The following TENM3 variants were observed in gnomAD, a reference collection of about 807,000 sequenced individuals.
TENM3 encodes the protein teneurin transmembrane protein 3.
Under a neutral mutation model 255.1 loss-of-function variants are expected in TENM3, and 63 were observed. The ratio of observed to expected loss-of-function variants is 0.25; its 90% CI spans 0.20 to 0.30. The LOEUF (loss-of-function observed/expected upper bound fraction) is 0.30, where lower values mean the gene tolerates loss of function less well. TENM3 is among the 10% of genes least tolerant of loss of function. The pLI is 1.00. For missense variants in TENM3, 2,929 were observed against 3,461.1 expected, an observed-to-expected ratio of 0.85 and a Z score of 3.86; for synonymous variants, 1,306 against 1,322.3, an observed-to-expected ratio of 0.99 and a Z score of 0.27.
At chr4:182,111,189 C>CTTTTTTTTTTTTTTTTTT in the TENM3 span, among the ~76,000 whole-genome samples, 2 of 80,534 alleles carry the variant, frequency 2.5e-5, no homozygotes, top group African/African-American at 5.3e-5. Context: ...GTCTTCTTCT[C>CTTTTTTTTTTTTTTTTTT]TTTTTTTTTT....
intron 24 of TENM3, among the ~76,000 whole-genome samples, chr4:182,784,054 C>G (rs1158461731): frequency 6.6e-6 from 1 of 152,234 alleles, no homozygotes; most frequent in African/African-American, 2.4e-5. Context: ...CTACTCTCAG[C>G]TCGTCAGTCA....
the TENM3 span, among the ~76,000 whole-genome samples, chr4:181,648,268 G>C: frequency 1.3e-5 from 2 of 152,266 alleles, no homozygotes; most frequent in Admixed American, 6.5e-5. Context: ...AGAACATGGA[G>C]ATACGGCTCT....
chr4:181,559,435 T>A, the TENM3 span, among the ~76,000 whole-genome samples: 5 of 152,300 alleles, frequency 3.3e-5, no homozygotes, highest in Admixed American at 2.0e-4. Flanking sequence ...ATTAAAGGGA[T>A]TCTAGACTCA....
chr4:181,988,510 C>T, the TENM3 span, among the ~76,000 whole-genome samples: 1 of 152,238 alleles, frequency 6.6e-6, no homozygotes, highest in East Asian at 1.9e-4. Context: ...ATTGTCACCA[C>T]TCTTCTTGTG....
At chr4:181,842,625 C>T in the TENM3 span, among the ~76,000 whole-genome samples, 1 of 152,182 alleles carries the variant, frequency 6.6e-6, no homozygotes, top group African/African-American at 2.4e-5. Flanking sequence ...GGTCAATTAG[C>T]TTAAGATGTT....
chr4:182,625,872 G>A (rs541953445), intron 4 of TENM3, among the ~76,000 whole-genome samples: 28 of 152,148 alleles, frequency 1.8e-4, no homozygotes, highest in Non-Finnish European at 2.8e-4. Flanking sequence ...CCTGAAAAGA[G>A]CGAGAATCTA....
At chr4:181,919,125 G>C in the TENM3 span, among the ~76,000 whole-genome samples, 2 of 152,160 alleles carry the variant, frequency 1.3e-5, no homozygotes, top group African/African-American at 2.4e-5. Context: ...AGTTGTTGGG[G>C]AGTTGTGGTA....
intron 3 of TENM3, among the ~76,000 whole-genome samples, chr4:182,413,349 G>A (rs1345669774): frequency 1.3e-5 from 2 of 152,158 alleles, no homozygotes. Flanking sequence ...GGGCACGCTG[G>A]CTCATATCTG....
chr4:182,791,183 C>T (rs1353043298), intron 25 of TENM3, among the ~76,000 whole-genome samples: 1 of 152,214 alleles, frequency 6.6e-6, no homozygotes. Context: ...ATTCTCAGGA[C>T]ATTTACTACA....
At chr4:182,759,692 A>G (rs1182162079) in intron 22 of TENM3, among the ~76,000 whole-genome samples, 1 of 152,244 alleles carries the variant, frequency 6.6e-6, no homozygotes, top group Admixed American at 6.5e-5. Context: ...ATATTATTGT[A>G]TCTGGTATCA....
intron 3 of TENM3, among the ~76,000 whole-genome samples, chr4:182,504,914 G>A (rs1172864613): frequency 1.3e-5 from 2 of 152,042 alleles, no homozygotes; most frequent in Admixed American, 6.6e-5. Context: ...CAGATACTTG[G>A]GTATCATGAT....
At chr4:181,465,137 T>C in the TENM3 span, among the ~76,000 whole-genome samples, 1 of 152,126 alleles carries the variant, frequency 6.6e-6, no homozygotes, top group African/African-American at 2.4e-5. Flanking sequence ...TTTCTTATGA[T>C]GTGAAGGAGT....
chr4:182,193,644 T>C (rs1269845982), intron 1 of TENM3, among the ~76,000 whole-genome samples: 1 of 152,256 alleles, frequency 6.6e-6, no homozygotes, highest in Non-Finnish European at 1.5e-5. Context: ...TTTGAAGTGC[T>C]GGCTTGATTA....
chr4:182,771,850 T>A (rs1430968821), intron 22 of TENM3, among the ~76,000 whole-genome samples: 1 of 152,214 alleles, frequency 6.6e-6, no homozygotes. Flanking sequence ...CTCTGCCTTT[T>A]GTGAGTCTAA....
chr4:181,499,595 G>A, the TENM3 span, among the ~76,000 whole-genome samples: 1 of 152,120 alleles, frequency 6.6e-6, no homozygotes, highest in Non-Finnish European at 1.5e-5. Flanking sequence ...AAAACTAGAA[G>A]GGGAGACTTA....
chr4:181,478,335 G>A, the TENM3 span, among the ~76,000 whole-genome samples: 1 of 152,188 alleles, frequency 6.6e-6, no homozygotes, highest in Non-Finnish European at 1.5e-5. Context: ...ACATACATTA[G>A]TATAGTCTTT....
At chr4:182,106,231 G>A in the TENM3 span, among the ~76,000 whole-genome samples, 2 of 152,188 alleles carry the variant, frequency 1.3e-5, no homozygotes, top group African/African-American at 2.4e-5. Flanking sequence ...GGAGGCTGAG[G>A]TGGGTGGATT....
At chr4:181,824,894 C>T in the TENM3 span, among the ~76,000 whole-genome samples, 1 of 152,108 alleles carries the variant, frequency 6.6e-6, no homozygotes, top group Non-Finnish European at 1.5e-5. Flanking sequence ...GGTTACAATG[C>T]GTTAAGACCA....
At chr4:182,327,831 G>C (rs907555536) in intron 2 of TENM3, among the ~76,000 whole-genome samples, 6 of 152,158 alleles carry the variant, frequency 3.9e-5, no homozygotes, top group African/African-American at 1.4e-4. Context: ...TCAGGTCTCA[G>C]ACAAATTTCT....
Sources: allele counts gnomAD v4.1 joint callset (sites outside exome capture counted in the v4.1 genomes callset), GRCh38; gene constraint gnomAD v4.1.1; transcripts MANE v1.5; gene names NCBI Gene and HGNC (gene_info 2026-07-23, HGNC 2026-07-21).